Variants in ARFGEF2 observed in about 807,000 individuals in gnomAD.
The protein encoded by ARFGEF2 is ARF guanine nucleotide exchange factor 2.
A neutral mutation model predicts 219.9 loss-of-function variants in ARFGEF2; 74 were observed. The observed-to-expected ratio is 0.34, with a 90% CI of 0.28 to 0.41. ARFGEF2 has a LOEUF of 0.41. Among genes scored for constraint, ARFGEF2 ranks in the 10% least tolerant of loss-of-function variants. The probability of loss-of-function intolerance (pLI) is 1.00; values close to 1 mark genes in which losing one functional copy is unlikely to be tolerated. For synonymous variants in ARFGEF2, 733 were observed against 799.2 expected (o/e 0.92, Z 1.40); for missense variants, 1,743 against 2,218.3 (o/e 0.79, Z 4.30).
At position 49,010,506 on chromosome 20, in the gene ARFGEF2, C is replaced by T. The variant is rs965777154; in HGVS notation, c.3757+102C>T. On this transcript the variant is annotated intron_variant, in intron 27 of 38. Coordinates refer to ENST00000371917, the MANE Select transcript of ARFGEF2 (RefSeq NM_006420.3). ...ACCTACAGGGGCTTCCCTACCTTGGCTCTACTGTGATATAGTAATGTGCCA... is the reference window on the plus strand; with the variant it reads ...ACCTACAGGGGCTTCCCTACCTTGGTTCTACTGTGATATAGTAATGTGCCA... The T allele has an allele frequency of 3.7e-6, 5 of 1,360,466 alleles. No homozygotes were observed. The African/African-American group carries it at 7.1e-5, about 19-fold the overall frequency. 84.3% of individuals were successfully genotyped at this position (1,360,466 alleles called of 1,614,324 possible).
At chr20:48,933,847 C>T (rs1291860761) in intron 1 of ARFGEF2, among the ~76,000 whole-genome samples, 2 of 151,890 alleles carry the variant, frequency 1.3e-5, no homozygotes, top group Non-Finnish European at 2.9e-5. Context: ...TGGCCGGGTG[C>T]GGTGGCTCAT....
chr20:48,988,612 C>T lies in ARFGEF2; in HGVS notation c.2483C>T (p.Ala828Val), dbSNP rs1470002981. Residue 828 changes from alanine (A) to valine (V), a missense_variant, in exon 18 of 39, where the codon GCA becomes GTA. Ala to Val is a moderately conservative substitution (Grantham distance 64, BLOSUM62 0). This residue lies in a region of ARFGEF2 where 666 missense variants were observed against 955.4 expected (regional missense o/e 0.70). Transcript: ENST00000371917. ...GAAGAGATAGAAGGCAAGAAAATTGCAATGAAAGAAACAAAAGAGCTAACG... is the reference window on the plus strand; with the variant it reads ...GAAGAGATAGAAGGCAAGAAAATTGTAATGAAAGAAACAAAAGAGCTAACG... The part of the protein sequence containing the change: ...IYEEIEGKKI[A>V]MKETKELTIA... The T allele has an allele frequency of 6.2e-7, 1 of 1,613,478 alleles. No homozygotes were observed. Among genetic ancestry groups the T allele is most frequent in the African/African-American group, 1.3e-5 (1 of 74,840 alleles).
chr20:49,020,544 C>A (rs571341415), intron 34 of ARFGEF2, among the ~76,000 whole-genome samples: 2 of 152,212 alleles, frequency 1.3e-5, no homozygotes, highest in Non-Finnish European at 2.9e-5. Context: ...CTCCTGGGCT[C>A]AAGCAATCCT....
intron 2 of ARFGEF2, 24 bp from the exon 3 acceptor site, chr20:48,941,840 G>A (rs771360721): frequency 6.2e-6 from 10 of 1,613,944 alleles, no homozygotes; most frequent in East Asian, 4.5e-5. Context: ...TTCTTCTCCC[G>A]ACCCTCTCTT....
chr20:49,005,036 T>A (rs2091449310), intron 25 of ARFGEF2, 34 bp from the exon 26 acceptor site: 10 of 1,613,912 alleles, frequency 6.2e-6, no homozygotes, highest in Non-Finnish European at 8.5e-6. Context: ...TATTACACTA[T>A]ACCTGTTTCA....
In ARFGEF2 at chr20:48,971,223, A is replaced by G. The variant is rs41296207; in HGVS notation, c.1294A>G (p.Ile432Val). 411 of 1,614,110 alleles carry G rather than the reference A, an allele frequency of 2.5e-4. No homozygotes were observed. Among genetic ancestry groups the G allele is most frequent in the Non-Finnish European group, 3.3e-4 (393 of 1,180,034 alleles). ...GACTCACGAGATGTTCATCAATGCA[A>G]TCAAGCAATATCTCTGTGTGGCCTT... is the stretch of plus-strand genomic sequence containing the variant. Reference protein sequence around the residue: ...FRTHEMFINAIKQYLCVALSK... With the variant: ...FRTHEMFINAVKQYLCVALSK... Residue 432 changes from isoleucine to valine, a missense_variant, in exon 10 of 39, where the codon ATC (isoleucine) becomes GTC (valine). Transcript: ENST00000371917.
intron 27 of ARFGEF2, among the ~76,000 whole-genome samples, chr20:49,011,068 C>T (rs6019582): frequency 0.37 from 56,927 of 152,092 alleles, 11,498 homozygotes; most frequent in African/African-American, 0.54. Context: ...TAGTATTCTA[C>T]GTGCAGAAAG....
At chr20:48,991,498 TTGGGAGCTTGGGA>T (rs1181349757) in intron 21 of ARFGEF2, among the ~76,000 whole-genome samples, 1 of 151,464 alleles carries the variant, frequency 6.6e-6, no homozygotes, top group Non-Finnish European at 1.5e-5. Context: ...TATGTACCTC[TTGGGAGCTTGGGA>T]GCTCCTGTGA....
chr20:48,970,190 C>T (rs1424759552), intron 9 of ARFGEF2, among the ~76,000 whole-genome samples: 1 of 152,132 alleles, frequency 6.6e-6, no homozygotes, highest in Non-Finnish European at 1.5e-5. Flanking sequence ...TAGTACATGC[C>T]TGTAATCCCA....
intron 13 of ARFGEF2, 93 bp downstream of exon 13, chr20:48,974,967 G>A: frequency 9.0e-7 from 1 of 1,111,506 alleles, no homozygotes; most frequent in Non-Finnish European, 1.3e-6. Context: ...TCTTAGAATT[G>A]AAAAAGCCTT....
At chr20:49,017,606 A>T (rs1023506442) in intron 33 of ARFGEF2, 56 bp downstream of exon 33, 3 of 1,583,150 alleles carry the variant, frequency 1.9e-6, no homozygotes, top group African/African-American at 2.7e-5. Flanking sequence ...TTAGTAAAAG[A>T]TCAATAAGCC....
intron 4 of ARFGEF2, 94 bp downstream of exon 4, chr20:48,951,563 A>G (rs1438563153): frequency 1.3e-6 from 2 of 1,542,118 alleles, no homozygotes; most frequent in East Asian, 2.3e-5. Context: ...TAGTTGTCTC[A>G]GGTGGTGCTG....
At chr20:48,958,516 A>G (rs1600609168) in intron 6 of ARFGEF2, among the ~76,000 whole-genome samples, 2 of 151,350 alleles carry the variant, frequency 1.3e-5, no homozygotes, top group African/African-American at 2.4e-5. Context: ...GGCTCACTGC[A>G]AGCTCCGCCT....
chr20:48,999,130 A>G, intron 25 of ARFGEF2: 2 of 361,090 alleles, frequency 5.5e-6, no homozygotes, highest in South Asian at 4.3e-5. Context: ...CCCAGCTACT[A>G]GGGAGATTGA....
intron 35 of ARFGEF2, 116 bp downstream of exon 35, chr20:49,023,297 T>A: frequency 7.2e-7 from 1 of 1,380,056 alleles, no homozygotes. Flanking sequence ...GCTCATCTCT[T>A]TCCAACCTCA....
Position 48,962,817 on chromosome 20 carries a change from G to T in ARFGEF2, c.839-1013G>T, listed in dbSNP as rs373874222. 3.9e-5 allele frequency among the ~76,000 whole-genome samples: 6 copies of T among 152,280 alleles called. No homozygotes were observed. The East Asian group carries it at 7.7e-4, about 20-fold the overall frequency. ...AAGCATAGAACTCATAAAAATGGTG[G>T]CTGGGTTGAAAATTCTCATTAATAC... On this transcript the variant is annotated intron_variant, in intron 6 of 38. Transcript: ENST00000371917.
At chr20:49,006,989 A>C (rs2091465104) in intron 26 of ARFGEF2, among the ~76,000 whole-genome samples, 1 of 151,348 alleles carries the variant, frequency 6.6e-6, no homozygotes, top group Non-Finnish European at 1.5e-5. Flanking sequence ...CTGCCATTGG[A>C]GGATTTTAAG....
intron 14 of ARFGEF2, among the ~76,000 whole-genome samples, chr20:48,979,789 G>T (rs893834291): frequency 1.3e-5 from 2 of 152,056 alleles, no homozygotes; most frequent in Non-Finnish European, 2.9e-5. Context: ...TTTTCTGATG[G>T]TAATTTGTAT....
chr20:49,010,592 C>T (rs2091492108), intron 27 of ARFGEF2, among the ~76,000 whole-genome samples, 188 bp downstream of exon 27: 2 of 152,174 alleles, frequency 1.3e-5, no homozygotes, highest in Non-Finnish European at 2.9e-5. Flanking sequence ...TTGACTTTCT[C>T]CTTGCCTTCT....
Sources: allele counts gnomAD v4.1 joint callset (sites outside exome capture counted in the v4.1 genomes callset), GRCh38; gene constraint gnomAD v4.1.1; regional missense constraint gnomAD v4.1.1; transcripts MANE v1.5; gene names NCBI Gene and HGNC (gene_info 2026-07-23, HGNC 2026-07-21).